BBS9: variants seen among roughly 807,000 people sequenced by gnomAD.
The protein encoded by BBS9 is protein PTHB1.
Under a neutral mutation model 117.7 loss-of-function variants are expected in BBS9, and 89 were observed. That is an observed-to-expected ratio of 0.76 (90% CI 0.64 to 0.90). The LOEUF (loss-of-function observed/expected upper bound fraction) is 0.90. Among genes scored for constraint, BBS9 ranks in the 40% least tolerant of loss-of-function variants. BBS9 has a pLI of 0.00. For synonymous variants in BBS9, 379 were observed against 370.9 expected (o/e 1.02, Z -0.25); for missense variants, 982 against 1,042.2 (o/e 0.94, Z 0.80).
intron 9 of BBS9, among the ~76,000 whole-genome samples, chr7:33,315,859 A>G (rs375579865): frequency 5.3e-5 from 8 of 152,300 alleles, no homozygotes; most frequent in African/African-American, 4.8e-5. Flanking sequence ...AGTAAATAGT[A>G]TAATAAACTC....
chr7:33,529,596 T>TCCCTTCCCTCCCCTCCTCTCCCATC, intron 20 of BBS9, among the ~76,000 whole-genome samples: 1 of 151,988 alleles, frequency 6.6e-6, no homozygotes, highest in African/African-American at 2.4e-5. Flanking sequence ...CCTTCTCCCT[T>TCCCTTCCCTCCCCTCCTCTCCCATC]CCCTTCCCTC....
chr7:33,583,546 A>G (rs180884993), intron 21 of BBS9, among the ~76,000 whole-genome samples: 14 of 152,284 alleles, frequency 9.2e-5, no homozygotes, highest in Non-Finnish European at 1.9e-4. Context: ...TATGGGAGAT[A>G]CAAGCCAGGA....
Position 33,351,294 on chromosome 7 carries a change from A to G in BBS9, c.1508A>G (p.Asn503Ser). The change falls in exon 14 of 23, where the codon AAT becomes AGT. Residue 503 changes from asparagine to serine, a missense_variant. Asn to Ser is a conservative substitution (Grantham distance 46). Transcript: ENST00000242067. Reference protein sequence around the residue: ...RSYTPSELEGNAVVSYSRPTD... With the variant: ...RSYTPSELEGSAVVSYSRPTD... ...TATACACCATCAGAATTGGAAGGAA[A>G]TGCTGTTGTTTCTTATTCCAGACCA... 1.2e-6 allele frequency: 2 copies of G among 1,612,614 alleles called. No homozygotes were observed. Among genetic ancestry groups the G allele is most frequent in the South Asian group, 1.1e-5 (1 of 91,046 alleles).
At chr7:33,221,457 A>C (rs1790231743) in intron 5 of BBS9, among the ~76,000 whole-genome samples, 1 of 152,260 alleles carries the variant, frequency 6.6e-6, no homozygotes, top group Non-Finnish European at 1.5e-5. Context: ...ATTTCAGTTC[A>C]GTATTAAAAT....
At chr7:33,382,986 A>G (rs972218524) in intron 17 of BBS9, among the ~76,000 whole-genome samples, 1 of 152,178 alleles carries the variant, frequency 6.6e-6, no homozygotes, top group Non-Finnish European at 1.5e-5. Context: ...ATGCCCAACA[A>G]ATAATAGCTG....
chr7:33,132,990 A>C (rs979934642), intron 1 of BBS9, among the ~76,000 whole-genome samples: 1 of 152,126 alleles, frequency 6.6e-6, no homozygotes, highest in Non-Finnish European at 1.5e-5. Flanking sequence ...AGGTCTCACT[A>C]TGTTGCGCAG....
intron 4 of BBS9, among the ~76,000 whole-genome samples, chr7:33,170,099 T>G (rs1583448231): frequency 6.6e-6 from 1 of 151,840 alleles, no homozygotes; most frequent in East Asian, 1.9e-4. Context: ...CTAACTCATT[T>G]TATGAGGCCA....
chr7:33,284,607 T>C (rs1235121888), intron 9 of BBS9, among the ~76,000 whole-genome samples: 1 of 152,228 alleles, frequency 6.6e-6, no homozygotes, highest in Non-Finnish European at 1.5e-5. Flanking sequence ...ATGTTATATC[T>C]TTGATTATTT....
intron 19 of BBS9, among the ~76,000 whole-genome samples, chr7:33,396,964 A>G (rs1322689399): frequency 1.3e-5 from 2 of 152,204 alleles, no homozygotes; most frequent in Non-Finnish European, 2.9e-5. Context: ...AAAAATTGAA[A>G]CTGGACCTCT....
chr7:33,331,307 A>G (rs770484049), intron 9 of BBS9, among the ~76,000 whole-genome samples: 1 of 152,234 alleles, frequency 6.6e-6, no homozygotes, highest in Non-Finnish European at 1.5e-5. Flanking sequence ...ACCCACAGCC[A>G]GCATCATGCT....
chr7:33,605,368 G>A lies in BBS9; in HGVS notation c.*142G>A, dbSNP rs900590302. The A allele has an allele frequency of 1.5e-5, 13 of 873,148 alleles. No homozygotes were observed. Among genetic ancestry groups the A allele is most frequent in the South Asian group, 1.4e-4 (10 of 72,560 alleles). The allele number at this position is 873,148 out of a possible 1,614,324, so 54.1% of individuals were successfully genotyped here. A position where few individuals can be genotyped will look rare whatever the true frequency, so the allele number is the denominator to read the frequency against. The stretch of plus-strand genomic sequence containing the variant: ...CTGGAGATGACATGCATAGAAAGAG[G>A]GGTTGGGACTTTTTACTTCACTAGG... On this transcript the variant is annotated 3_prime_UTR_variant, in exon 23 of 23. Transcript: ENST00000242067.
At chr7:33,395,495 C>G (rs917546816) in intron 19 of BBS9, among the ~76,000 whole-genome samples, 1 of 152,024 alleles carries the variant, frequency 6.6e-6, no homozygotes, top group Non-Finnish European at 1.5e-5. Flanking sequence ...CAACACTAAC[C>G]CTCTGTTGTA....
chr7:33,294,137 G>T (rs1250263671), intron 9 of BBS9, among the ~76,000 whole-genome samples: 2 of 151,982 alleles, frequency 1.3e-5, no homozygotes, highest in Non-Finnish European at 2.9e-5. Flanking sequence ...ATTATATGAT[G>T]CTGTTTAACT....
chr7:33,499,864 AATT>A (rs1206599947), intron 19 of BBS9, among the ~76,000 whole-genome samples: 3 of 152,236 alleles, frequency 2.0e-5, no homozygotes, highest in Non-Finnish European at 2.9e-5. Flanking sequence ...AAATGTTGAC[AATT>A]ATTATCACAA....
chr7:33,524,368 C>T (rs1471361788), intron 20 of BBS9, among the ~76,000 whole-genome samples: 2 of 152,150 alleles, frequency 1.3e-5, no homozygotes, highest in African/African-American at 4.8e-5. Flanking sequence ...GGCTGTGAAT[C>T]CATCTGGTCC....
intron 21 of BBS9, among the ~76,000 whole-genome samples, chr7:33,578,510 A>G (rs1272207799): frequency 1.3e-5 from 2 of 152,200 alleles, no homozygotes; most frequent in African/African-American, 2.4e-5. Flanking sequence ...CTACTTTTGC[A>G]CTGCTCTACA....
chr7:33,305,402 G>T (rs1317509980), intron 9 of BBS9, among the ~76,000 whole-genome samples: 2 of 152,202 alleles, frequency 1.3e-5, no homozygotes, highest in East Asian at 3.9e-4. Flanking sequence ...GTTGGTTTGG[G>T]TATCAGATTA....
intron 19 of BBS9, among the ~76,000 whole-genome samples, chr7:33,403,627 C>T (rs1053221172): frequency 3.3e-4 from 50 of 151,760 alleles, no homozygotes; most frequent in Non-Finnish European, 5.3e-4. Flanking sequence ...CATCCATGTC[C>T]CTACAAAGGA....
intron 19 of BBS9, among the ~76,000 whole-genome samples, chr7:33,406,031 T>G (rs1177427514): frequency 6.6e-6 from 1 of 152,180 alleles, no homozygotes; most frequent in Admixed American, 6.5e-5. Flanking sequence ...TCCCAGAGAT[T>G]CTGGTATGTT....
Sources: gnomAD v4.1 joint callset for allele counts (sites outside exome capture counted in the v4.1 genomes callset) on GRCh38, gnomAD v4.1.1 for gene constraint, MANE v1.5 for transcripts, NCBI Gene and HGNC (gene_info 2026-07-23, HGNC 2026-07-21) for gene names.